The following SIL1 variants were observed in gnomAD, a reference collection of about 807,000 sequenced individuals.
The protein encoded by SIL1 is nucleotide exchange factor SIL1.
SIL1 carries 40 observed loss-of-function variants against 49.1 expected under a neutral mutation model. That is an observed-to-expected ratio of 0.81 (90% CI 0.63 to 1.06). SIL1 has a LOEUF of 1.06. SIL1 is among the 50% of genes least tolerant of loss of function. SIL1 has a pLI of 0.00. For missense variants in SIL1, 500 were observed against 572.6 expected, an observed-to-expected ratio of 0.87 and a Z score of 1.29; for synonymous variants, 253 against 250.8, an observed-to-expected ratio of 1.01 and a Z score of -0.08.
At chr5:139,015,685 G>C (rs1768382313) in intron 7 of SIL1, among the ~76,000 whole-genome samples, 1 of 152,198 alleles carries the variant, frequency 6.6e-6, no homozygotes, top group African/African-American at 2.4e-5. Flanking sequence ...GAAGTGGGTA[G>C]GGTCTCCTTA....
At chr5:139,095,391 T>C (rs985621863) in intron 3 of SIL1, among the ~76,000 whole-genome samples, 2 of 151,662 alleles carry the variant, frequency 1.3e-5, no homozygotes, top group Non-Finnish European at 2.9e-5. Flanking sequence ...ACCTCCTGAG[T>C]AGCTGAATTA....
intron 9 of SIL1, among the ~76,000 whole-genome samples, chr5:138,950,871 C>A (rs963590775): frequency 6.6e-6 from 1 of 152,212 alleles, no homozygotes; most frequent in Non-Finnish European, 1.5e-5. Context: ...GGGGCCTGGT[C>A]TCGGCTGCTC....
intron 4 of SIL1, among the ~76,000 whole-genome samples, chr5:139,043,011 G>C (rs1442380850): frequency 2.0e-5 from 3 of 152,144 alleles, no homozygotes; most frequent in African/African-American, 7.2e-5. Context: ...AAATAAATAA[G>C]AGGGGAGCAT....
intron 7 of SIL1, among the ~76,000 whole-genome samples, chr5:139,009,794 A>ACT (rs1343800761): frequency 3.0e-5 from 4 of 133,912 alleles, no homozygotes; most frequent in African/African-American, 1.1e-4. Flanking sequence ...ATTGGCCCCC[A>ACT]CTCTCTTCTG....
At chr5:139,161,269 C>T (rs559477109) in intron 1 of SIL1, among the ~76,000 whole-genome samples, 4 of 152,278 alleles carry the variant, frequency 2.6e-5, no homozygotes, top group African/African-American at 9.6e-5. Context: ...CAAATACCCT[C>T]AGTCAGCCAC....
Position 138,951,245 on chromosome 5 carries a change from G to A in SIL1, c.955C>T (p.Leu319=). 6.2e-7 allele frequency: 1 copy of A among 1,600,344 alleles called. No individual in the cohort carries two copies. The highest frequency in any genetic ancestry group is 8.5e-7 in the Non-Finnish European group (1 of 1,173,158). ...ACCTCCGTGCCCTTCTCCTGCACCA[G>A]GGTCCTCAGGACCTGCAGCCCCCCG... ...KLGGLQVLRT[L]VQEKGTEVLA... Residue 319 remains leucine, a synonymous_variant, in exon 9 of 10, where the codon CTG becomes TTG. Coordinates refer to ENST00000394817, the MANE Select transcript of SIL1 (RefSeq NM_022464.5).
intron 1 of SIL1, among the ~76,000 whole-genome samples, chr5:139,139,007 G>C (rs1163029686): frequency 1.3e-5 from 2 of 152,196 alleles, no homozygotes; most frequent in African/African-American, 4.8e-5. Flanking sequence ...AAACACTTCA[G>C]AGTCCCGCTT....
chr5:139,114,112 C>G (rs1396233670), intron 3 of SIL1, among the ~76,000 whole-genome samples: 2 of 152,230 alleles, frequency 1.3e-5, no homozygotes, highest in African/African-American at 2.4e-5. Context: ...CTGGCCTGTC[C>G]CATCCGGGTA....
At chr5:138,988,541 T>C (rs1767690559) in intron 7 of SIL1, among the ~76,000 whole-genome samples, 1 of 152,240 alleles carries the variant, frequency 6.6e-6, no homozygotes, top group Non-Finnish European at 1.5e-5. Flanking sequence ...CTGTCATTTT[T>C]AAACGTAGGT....
intron 7 of SIL1, among the ~76,000 whole-genome samples, chr5:138,999,782 C>G (rs1205854701): frequency 6.6e-6 from 1 of 152,006 alleles, no homozygotes; most frequent in Middle Eastern, 3.2e-3. Flanking sequence ...AGTAGAAGAT[C>G]TGTTGTTTGG....
At chr5:139,021,095 C>A in intron 7 of SIL1, 76 bp downstream of exon 7, 1 of 1,592,942 alleles carries the variant, frequency 6.3e-7, no homozygotes, top group Non-Finnish European at 8.6e-7. Context: ...GCAACAGGCA[C>A]ATTCAAGTGT....
intron 7 of SIL1, among the ~76,000 whole-genome samples, chr5:138,966,054 C>G (rs1330020337): frequency 6.6e-6 from 1 of 152,126 alleles, no homozygotes; most frequent in East Asian, 1.9e-4. Flanking sequence ...GCTTCCTCAT[C>G]TGTCAAATGA....
intron 5 of SIL1, among the ~76,000 whole-genome samples, chr5:139,027,957 C>T (rs189525907): frequency 8.5e-5 from 13 of 152,284 alleles, no homozygotes; most frequent in Admixed American, 3.3e-4. Context: ...AAAGACCAAG[C>T]TCCTAGCGGA....
chr5:139,070,556 C>T (rs1471075638), intron 3 of SIL1, among the ~76,000 whole-genome samples: 4 of 152,090 alleles, frequency 2.6e-5, no homozygotes, highest in East Asian at 1.9e-4. Flanking sequence ...ATGTACAAGA[C>T]GAGCTTAGAA....
At chr5:138,991,397 C>A (rs1161245544) in intron 7 of SIL1, among the ~76,000 whole-genome samples, 1 of 152,200 alleles carries the variant, frequency 6.6e-6, no homozygotes, top group Non-Finnish European at 1.5e-5. Flanking sequence ...TAGAGATTTC[C>A]CTGAAACAAA....
At chr5:139,128,834 G>A (rs1750805912) in intron 1 of SIL1, among the ~76,000 whole-genome samples, 2 of 152,122 alleles carry the variant, frequency 1.3e-5, no homozygotes, top group South Asian at 4.1e-4. Flanking sequence ...GGGGGACCCA[G>A]AATAGCCAAA....
intron 3 of SIL1, among the ~76,000 whole-genome samples, chr5:139,067,272 T>TA (rs1769727837): frequency 1.3e-5 from 2 of 152,304 alleles, no homozygotes; most frequent in South Asian, 4.1e-4. Flanking sequence ...AAGAGAAAGA[T>TA]ACAAAGACTG....
intron 3 of SIL1, among the ~76,000 whole-genome samples, chr5:139,115,576 C>T (rs185420955): frequency 6.6e-6 from 1 of 152,168 alleles, no homozygotes; most frequent in Non-Finnish European, 1.5e-5. Context: ...ATAAAACCTC[C>T]ATAAAAGCCC....
Position 138,951,811 on chromosome 5 carries a change from G to A in SIL1, c.841C>T (p.Gln281Ter), listed in dbSNP as rs753831763. ...QKLLVILATE[Q>*]PLTAKKKVLF... ...ACCTTCTTCTTTGCAGTGAGCGGCT[G>A]CTCCGTGGCCAGGATGACCAGCAGC... The change falls in exon 8 of 10, where the codon CAG becomes TAG. Residue 281 changes from glutamine (Q) to a stop codon, truncating the protein, a stop_gained. Transcript: ENST00000394817. LOFTEE classifies it high-confidence loss of function. 2 of 1,614,060 alleles carry A rather than the reference G, an allele frequency of 1.2e-6. No individual in the cohort carries two copies. Among genetic ancestry groups the A allele is most frequent in the Non-Finnish European group, 1.7e-6 (2 of 1,180,010 alleles).
Sources: gnomAD v4.1 joint callset for allele counts (sites outside exome capture counted in the v4.1 genomes callset) on GRCh38, gnomAD v4.1.1 for gene constraint, MANE v1.5 for transcripts, NCBI Gene and HGNC (gene_info 2026-07-23, HGNC 2026-07-21) for gene names.